UVRAG: variants seen among roughly 807,000 people sequenced by gnomAD.
UVRAG encodes the protein UV radiation resistance-associated gene protein.
In UVRAG, 19 loss-of-function variants were observed where a neutral mutation model predicts 78.0. The ratio of observed to expected loss-of-function variants is 0.24; its 90% confidence interval spans 0.17 to 0.36. The LOEUF is 0.36. Among genes scored for constraint, UVRAG ranks in the 10% least tolerant of loss-of-function variants. The pLI is 1.00. For synonymous variants in UVRAG, 323 were observed against 324.6 expected (o/e 1.00, Z 0.05); for missense variants, 740 against 853.8 (o/e 0.87, Z 1.66).
intron 7 of UVRAG, among the ~76,000 whole-genome samples, chr11:75,963,101 A>G (rs1175492746): frequency 1.3e-5 from 2 of 152,160 alleles, no homozygotes; most frequent in Non-Finnish European, 2.9e-5. Flanking sequence ...AGTACATTCT[A>G]TCCCTTTTCC....
chr11:76,127,551 T>C (rs1055369406), intron 14 of UVRAG, among the ~76,000 whole-genome samples: 2 of 151,474 alleles, frequency 1.3e-5, no homozygotes, highest in Non-Finnish European at 2.9e-5. Context: ...CTTGAATCGC[T>C]TGAACCCAGG....
intron 8 of UVRAG, among the ~76,000 whole-genome samples, chr11:75,999,781 C>T (rs1192648617): frequency 3.3e-5 from 5 of 151,788 alleles, no homozygotes; most frequent in African/African-American, 4.9e-5. Context: ...AAATTTAAAA[C>T]GTTTTGGGTG....
At chr11:75,968,753 A>G (rs1034514980) in intron 7 of UVRAG, among the ~76,000 whole-genome samples, 19 of 152,152 alleles carry the variant, frequency 1.2e-4, no homozygotes, top group African/African-American at 4.6e-4. Flanking sequence ...GCCCAGGTAG[A>G]ATTCAATTTA....
At chr11:76,051,680 G>A (rs1328417229) in intron 12 of UVRAG, among the ~76,000 whole-genome samples, 1 of 151,930 alleles carries the variant, frequency 6.6e-6, no homozygotes, top group Non-Finnish European at 1.5e-5. Flanking sequence ...TATAATATTG[G>A]CAAAGAGAAT....
chr11:76,079,814 A>T (rs1315129551), intron 13 of UVRAG, among the ~76,000 whole-genome samples: 1 of 152,256 alleles, frequency 6.6e-6, no homozygotes, highest in African/African-American at 2.4e-5. Context: ...TCCTGAAAAC[A>T]GTTAAATATG....
At chr11:75,907,848 C>A (rs953495950) in intron 5 of UVRAG, among the ~76,000 whole-genome samples, 2 of 152,052 alleles carry the variant, frequency 1.3e-5, no homozygotes, top group Non-Finnish European at 2.9e-5. Context: ...AATTCCCTTG[C>A]ATACCGTGTA....
chr11:75,941,638 G>T (rs748446380), intron 6 of UVRAG, among the ~76,000 whole-genome samples: 4 of 152,110 alleles, frequency 2.6e-5, no homozygotes, highest in Non-Finnish European at 5.9e-5. Flanking sequence ...GCTAGGGATG[G>T]TCAACCTGTA....
intron 5 of UVRAG, chr11:75,892,278 C>G: frequency 2.1e-6 from 2 of 961,470 alleles, no homozygotes; most frequent in Non-Finnish European, 2.5e-6. Flanking sequence ...ATCTGCTGGT[C>G]CTGGAGAGGA....
intron 13 of UVRAG, among the ~76,000 whole-genome samples, chr11:76,089,204 G>T (rs1461263435): frequency 2.0e-5 from 3 of 152,146 alleles, no homozygotes; most frequent in Non-Finnish European, 2.9e-5. Flanking sequence ...GCTTTGAGAA[G>T]TGGGGTGAGA....
chr11:76,046,178 A>G (rs1950751384), intron 12 of UVRAG, among the ~76,000 whole-genome samples: 1 of 152,238 alleles, frequency 6.6e-6, no homozygotes. Flanking sequence ...AAGGGTAGAA[A>G]AAAGACTTTT....
At chr11:75,827,207 T>G (rs1945533898) in intron 1 of UVRAG, among the ~76,000 whole-genome samples, 1 of 152,156 alleles carries the variant, frequency 6.6e-6, no homozygotes, top group African/African-American at 2.4e-5. Flanking sequence ...TGATCTGTTT[T>G]TTTTTTTTCT....
chr11:75,970,053 G>C (rs1472239363), intron 7 of UVRAG, among the ~76,000 whole-genome samples: 1 of 152,186 alleles, frequency 6.6e-6, no homozygotes, highest in East Asian at 1.9e-4. Context: ...TAAGATTTAT[G>C]TCATAAAAAA....
intron 14 of UVRAG, among the ~76,000 whole-genome samples, chr11:76,135,094 G>A (rs2139935): frequency 0.14 from 21,461 of 152,118 alleles, 2,501 homozygotes; most frequent in African/African-American, 0.31. Flanking sequence ...CTGAGGTGGA[G>A]GTTTCATATC....
At chr11:75,978,157 G>A (rs932709578) in intron 7 of UVRAG, among the ~76,000 whole-genome samples, 1 of 152,052 alleles carries the variant, frequency 6.6e-6, no homozygotes, top group East Asian at 1.9e-4. Context: ...TGAAATTCCG[G>A]GTCGAAAATT....
At chr11:76,130,927 GT>G in intron 14 of UVRAG, among the ~76,000 whole-genome samples, 1 of 146,778 alleles carries the variant, frequency 6.8e-6, no homozygotes, top group African/African-American at 2.6e-5. Flanking sequence ...GAGGTTTTGG[GT>G]TTTTTTGTTT....
chr11:76,097,428 C>T (rs1347888942), intron 13 of UVRAG, among the ~76,000 whole-genome samples: 3 of 152,178 alleles, frequency 2.0e-5, no homozygotes, highest in Non-Finnish European at 4.4e-5. Flanking sequence ...CTTTCACTCA[C>T]TGAAATCCAG....
At chr11:76,020,320 C>T (rs1444185898) in intron 12 of UVRAG, among the ~76,000 whole-genome samples, 1 of 152,102 alleles carries the variant, frequency 6.6e-6, no homozygotes, top group Non-Finnish European at 1.5e-5. Flanking sequence ...ATTTGGTGCT[C>T]TACTCCACTG....
chr11:76,121,891 G>A (rs981258113), intron 14 of UVRAG, among the ~76,000 whole-genome samples: 1 of 152,092 alleles, frequency 6.6e-6, no homozygotes, highest in African/African-American at 2.4e-5. Context: ...TATTCCCTCA[G>A]TAGCTTAGAG....
chr11:75,850,809 C>T (rs1375143943), intron 1 of UVRAG, among the ~76,000 whole-genome samples: 12 of 152,148 alleles, frequency 7.9e-5, no homozygotes, highest in Non-Finnish European at 1.8e-4. Context: ...TTTGTAAATA[C>T]ATTTGAGGCT....
Sources: allele counts gnomAD v4.1 joint callset (sites outside exome capture counted in the v4.1 genomes callset), GRCh38; gene constraint gnomAD v4.1.1; transcripts MANE v1.5; gene names NCBI Gene and HGNC (gene_info 2026-07-23, HGNC 2026-07-21).